The following JHY variants were observed in gnomAD, a reference collection of about 807,000 sequenced individuals.
JHY encodes jhy protein homolog.
A neutral mutation model predicts 78.0 loss-of-function variants in JHY; 69 were observed. That is an observed-to-expected ratio of 0.88 (90% CI 0.73 to 1.08). The LOEUF (loss-of-function observed/expected upper bound fraction) is 1.08, where lower values mean the gene tolerates loss of function less well. Ranked by LOEUF, JHY falls within the 50% of genes least tolerant of loss-of-function variation. JHY has a pLI of 0.00. For synonymous variants in JHY, 368 were observed against 342.6 expected (o/e 1.07, Z -0.82); for missense variants, 944 against 927.8 (o/e 1.02, Z -0.23).
chr11:122,905,041 A>C lies in JHY; in HGVS notation c.864+597A>C, dbSNP rs181035207. The C allele has an allele frequency of 2.5e-4, 185 of 743,536 alleles. 2 individuals are homozygous for C. Among genetic ancestry groups the C allele is most frequent in the Admixed American group, 1.0e-3 (37 of 36,256 alleles). 46.1% of individuals were successfully genotyped at this position (743,536 alleles called of 1,614,324 possible). ...GTGGGTTTTTTTTTTCAATCTTCAG[A>C]TGTTTCTATAAACCCCATTGAAAAT... On this transcript the variant is annotated intron_variant, in intron 3 of 8. Transcript: ENST00000227349.
At chr11:122,946,020 A>G (rs1193498672) in intron 5 of JHY, among the ~76,000 whole-genome samples, 1 of 152,198 alleles carries the variant, frequency 6.6e-6, no homozygotes, top group Non-Finnish European at 1.5e-5. Flanking sequence ...CATATCCTAT[A>G]CCAGCGTTAA....
chr11:122,956,418 A>G (rs1449126277), intron 6 of JHY, 78 bp from the exon 7 acceptor site: 3 of 1,219,324 alleles, frequency 2.5e-6, no homozygotes, highest in Admixed American at 2.0e-5. Context: ...TTATGTGGCT[A>G]TGACACCTTA....
intron 2 of JHY, among the ~76,000 whole-genome samples, chr11:122,903,179 T>C (rs575963989): frequency 1.3e-5 from 2 of 152,318 alleles, no homozygotes; most frequent in South Asian, 4.1e-4. Context: ...ACCAGAACAT[T>C]GTTAGTCAGT....
intron 2 of JHY, among the ~76,000 whole-genome samples, chr11:122,895,914 T>A (rs1222399043): frequency 6.6e-6 from 1 of 152,184 alleles, no homozygotes; most frequent in African/African-American, 2.4e-5. Flanking sequence ...TGTGAAGTAT[T>A]ACAGCTTTCT....
chr11:122,912,665 C>T (rs968775433), intron 3 of JHY, among the ~76,000 whole-genome samples: 10 of 151,636 alleles, frequency 6.6e-5, no homozygotes, highest in Admixed American at 1.3e-4. Flanking sequence ...TCACTTGAGC[C>T]GGGAGGCCGA....
intron 5 of JHY, among the ~76,000 whole-genome samples, chr11:122,936,190 A>G (rs1208679207): frequency 2.6e-5 from 4 of 152,208 alleles, no homozygotes; most frequent in South Asian, 2.1e-4. Context: ...TCCTTTCTAC[A>G]TACCTAACAT....
intron 3 of JHY, among the ~76,000 whole-genome samples, chr11:122,905,009 A>G (rs1310916719): frequency 6.6e-6 from 1 of 151,896 alleles, no homozygotes; most frequent in Non-Finnish European, 1.5e-5. Context: ...GTAGGGTACA[A>G]CATAAGGTGG....
At chr11:122,901,104 C>G (rs1421422323) in intron 2 of JHY, among the ~76,000 whole-genome samples, 1 of 152,186 alleles carries the variant, frequency 6.6e-6, no homozygotes, top group African/African-American at 2.4e-5. Flanking sequence ...GTACAGCCTA[C>G]TACACACAAT....
At chr11:122,930,606 T>C (rs1863617210) in intron 4 of JHY, among the ~76,000 whole-genome samples, 1 of 152,214 alleles carries the variant, frequency 6.6e-6, no homozygotes, top group African/African-American at 2.4e-5. Flanking sequence ...GTCTTATCCA[T>C]GCCCAGATCC....
At chr11:122,903,877 G>A (rs1379120967) in intron 2 of JHY, 48 bp from the exon 3 acceptor site, 1 of 1,516,896 alleles carries the variant, frequency 6.6e-7, no homozygotes, top group Non-Finnish European at 8.8e-7. Flanking sequence ...TATAATGAGT[G>A]AATTTATTTC....
At chr11:122,910,112 T>A (rs1481022337) in intron 3 of JHY, among the ~76,000 whole-genome samples, 1 of 152,008 alleles carries the variant, frequency 6.6e-6, no homozygotes, top group Non-Finnish European at 1.5e-5. Context: ...AAGGACACTT[T>A]CCATGAACTA....
At chr11:122,937,381 G>A (rs944329542) in intron 5 of JHY, among the ~76,000 whole-genome samples, 4 of 151,588 alleles carry the variant, frequency 2.6e-5, no homozygotes, top group African/African-American at 4.8e-5. Flanking sequence ...CAACCCCATC[G>A]GGCAATTTCT....
intron 3 of JHY, among the ~76,000 whole-genome samples, chr11:122,907,186 A>C (rs1863009866): frequency 1.3e-5 from 2 of 151,928 alleles, no homozygotes; most frequent in African/African-American, 2.4e-5. Context: ...GATGAGTTTG[A>C]CCTAACAGTG....
rs1222540031 is a variant in JHY, at chr11:122,961,757, G to T, written c.*2312G>T. ...AATTTGTAATTAATTCTACCATCTT[G>T]CAATAAAGTGACAATTGAATGAAAC... On this transcript the variant is annotated 3_prime_UTR_variant, in exon 9 of 9. Transcript: ENST00000227349. Among the ~76,000 whole-genome samples the T allele has an allele frequency of 6.6e-6, 1 of 152,082 alleles. No homozygotes were observed. The highest frequency in any genetic ancestry group is 1.5e-5 in the Non-Finnish European group (1 of 68,026).
Position 122,924,961 on chromosome 11 carries a change from C to G in JHY, c.929C>G (p.Ala310Gly). Residue 310 changes from alanine to glycine, a missense_variant, in exon 4 of 9, where the codon GCT (alanine) becomes GGT (glycine). Physicochemically the swap from Ala to Gly is moderately conservative, Grantham distance 60. Transcript: ENST00000227349. ...CAGAATGCCAAGGAAATGGAAAATG[C>G]TGCCATCGATCCTGAAGATAAATGG... ...SIQNAKEMEN[A>G]AIDPEDKWHQ... The G allele has an allele frequency of 5.0e-6, 8 of 1,614,100 alleles. No homozygotes were observed. The highest frequency in any genetic ancestry group is 5.9e-6 in the Non-Finnish European group (7 of 1,179,970).
At chr11:122,922,667 G>A (rs527358051) in intron 3 of JHY, among the ~76,000 whole-genome samples, 23 of 152,042 alleles carry the variant, frequency 1.5e-4, no homozygotes, top group African/African-American at 5.1e-4. Flanking sequence ...AAAATTAGCC[G>A]GGGGTGGTGG....
At chr11:122,951,797 A>G (rs1308384191) in intron 6 of JHY, among the ~76,000 whole-genome samples, 1 of 152,172 alleles carries the variant, frequency 6.6e-6, no homozygotes, top group African/African-American at 2.4e-5. Flanking sequence ...TCAAGTGTGA[A>G]CACCAGTGCA....
At chr11:122,940,090 G>A (rs959412372) in intron 5 of JHY, among the ~76,000 whole-genome samples, 1 of 151,210 alleles carries the variant, frequency 6.6e-6, no homozygotes, top group East Asian at 1.9e-4. Flanking sequence ...TGTAATCCCA[G>A]CACTTTGGGA....
At chr11:122,931,397 C>A (rs1184266315) in intron 4 of JHY, among the ~76,000 whole-genome samples, 2 of 152,054 alleles carry the variant, frequency 1.3e-5, no homozygotes, top group Non-Finnish European at 2.9e-5. Context: ...TCCTGATTAA[C>A]CTTTCCAAAA....
Sources: allele counts gnomAD v4.1 joint callset (sites outside exome capture counted in the v4.1 genomes callset), GRCh38; gene constraint gnomAD v4.1.1; transcripts MANE v1.5; gene names NCBI Gene and HGNC (gene_info 2026-07-23, HGNC 2026-07-21).